Variants in NCKAP5 observed in about 807,000 individuals in gnomAD.
The protein encoded by NCKAP5 is NCK associated protein 5, also known as nck-associated protein 5.
NCKAP5 carries 92 observed loss-of-function variants against 167.0 expected under a neutral mutation model. The observed-to-expected ratio is 0.55, with a 90% confidence interval of 0.47 to 0.66. NCKAP5 has a LOEUF of 0.66. Among genes scored for constraint, NCKAP5 ranks in the 30% least tolerant of loss-of-function variants. The probability of loss-of-function intolerance (pLI) is 0.00; values close to 1 mark genes in which losing one functional copy is unlikely to be tolerated. For synonymous variants in NCKAP5, 891 were observed against 877.4 expected, an observed-to-expected ratio of 1.02 and a Z score of -0.27; for missense variants, 2,378 against 2,315.0, an observed-to-expected ratio of 1.03 and a Z score of -0.56.
chr2:132,868,942 A>G lies in NCKAP5; in HGVS notation c.681T>C (p.Thr227=). Residue 227 remains threonine (T), a synonymous_variant, in exon 10 of 20, where the codon ACT becomes ACC. Transcript: ENST00000409261. ...VANQVVQALL[T]QKDLREECVK... is the part of the protein sequence containing the mutation. ...AAGTCAGAAAGTGACCTACCTTTTG[A>G]GTAAGCAGAGCTTGAACAACTTGGT... 1 of 1,547,770 alleles carries G rather than the reference A, an allele frequency of 6.5e-7. No individual in the cohort carries two copies. The highest frequency in any genetic ancestry group is 2.4e-5 in the East Asian group (1 of 41,336).
chr2:133,303,108 T>G lies in NCKAP5; in HGVS notation c.72A>C (p.Glu24Asp). The stretch of plus-strand genomic sequence containing the variant: ...CAATGTATTTATTGGAGTCCATGTA[T>G]TCCTGCACAAGCAGACAAAGACAGA... ...KRLSLDSSLV[E>D]YMDSNKYIEH... Residue 24 changes from glutamate to aspartate, a missense_variant and splice_region_variant, in exon 4 of 20, where the codon GAA (glutamate) becomes GAC (aspartate). Transcript: ENST00000409261. 1 of 1,582,106 alleles carries G rather than the reference T, an allele frequency of 6.3e-7. No homozygotes were observed. Among genetic ancestry groups the G allele is most frequent in the Non-Finnish European group, 8.6e-7 (1 of 1,162,740 alleles).
rs79744286 is a variant in NCKAP5, at chr2:133,059,785, T to C, written c.342-65546A>G. Among the ~76,000 whole-genome samples the C allele has an allele frequency of 4.5e-3, 684 of 152,264 alleles. 3 individuals are homozygous for C. Among genetic ancestry groups the C allele is most frequent in the African/African-American group, 0.016 (655 of 41,558 alleles). On this transcript the variant is annotated intron_variant, in intron 6 of 19. Coordinates refer to ENST00000409261, the MANE Select transcript of NCKAP5 (RefSeq NM_207363.3). ...TAGTATAGTGTGAACCTAACTTTTA[T>C]ATGCATGGAGAAATGAAAAAATTCA...
chr2:132,728,818 G>T lies in NCKAP5; in HGVS notation c.5578C>A (p.Gln1860Lys). Residue 1860 changes from glutamine (Q) to lysine (K), a missense_variant and splice_region_variant, in exon 18 of 20, where the codon CAG (glutamine) becomes AAG (lysine). By Grantham distance (53) the Gln-to-Lys change is moderately conservative (BLOSUM62 1). Transcript: ENST00000409261. ...WGSEVAATGTQDKAPRMCTYS... is the reference protein window; with the variant it reads ...WGSEVAATGTKDKAPRMCTYS... ...CTTCACCTCCCCCGACCCCTCACCTGGGTCCCGGTGGCAGCAACTTCACTC... is the reference window on the plus strand; with the variant it reads ...CTTCACCTCCCCCGACCCCTCACCTTGGTCCCGGTGGCAGCAACTTCACTC... 6.2e-7 allele frequency: 1 copy of T among 1,613,732 alleles called. No homozygotes were observed. Among genetic ancestry groups the T allele is most frequent in the Non-Finnish European group, 8.5e-7 (1 of 1,179,770 alleles).
intron 8 of NCKAP5, among the ~76,000 whole-genome samples, chr2:132,907,108 A>G (rs1010253379): frequency 6.6e-6 from 1 of 152,236 alleles, no homozygotes; most frequent in Admixed American, 6.5e-5. Flanking sequence ...TTTTCCTAAC[A>G]TTATTTATAT....
chr2:133,366,237 A>G (rs1384711626), intron 3 of NCKAP5, among the ~76,000 whole-genome samples: 3 of 152,216 alleles, frequency 2.0e-5, no homozygotes, highest in Non-Finnish European at 2.9e-5. Flanking sequence ...TAAAGAAGAT[A>G]AAGTCAGATG....
intron 5 of NCKAP5, among the ~76,000 whole-genome samples, chr2:133,138,583 G>A (rs1168626585): frequency 6.6e-6 from 1 of 152,178 alleles, no homozygotes; most frequent in African/African-American, 2.4e-5. Flanking sequence ...AACAGACTGG[G>A]CTAGAGTTTC....
chr2:133,128,649 G>A (rs147910378), intron 6 of NCKAP5, among the ~76,000 whole-genome samples: 2,010 of 151,948 alleles, frequency 0.013, 27 homozygotes, highest in Middle Eastern at 0.051. Context: ...CGAGGCTGGA[G>A]TGCAGTGGCG....
intron 3 of NCKAP5, among the ~76,000 whole-genome samples, chr2:133,344,970 A>G (rs1023243171): frequency 6.6e-6 from 1 of 152,100 alleles, no homozygotes; most frequent in Non-Finnish European, 1.5e-5. Flanking sequence ...AAGTCATCCA[A>G]ATATCGATTT....
intron 2 of NCKAP5, among the ~76,000 whole-genome samples, chr2:133,544,564 C>T (rs34876294): frequency 6.6e-6 from 1 of 151,992 alleles, no homozygotes; most frequent in Admixed American, 6.5e-5. Flanking sequence ...CGGGCTCCAT[C>T]GTGTGAATGG....
chr2:132,984,574 G>A (rs996851929), intron 7 of NCKAP5, among the ~76,000 whole-genome samples: 4 of 152,060 alleles, frequency 2.6e-5, no homozygotes, highest in African/African-American at 4.8e-5. Context: ...TGCTGTGCTC[G>A]CCGTGCAGAC....
intron 8 of NCKAP5, among the ~76,000 whole-genome samples, chr2:132,896,427 C>G (rs576000486): frequency 6.6e-6 from 1 of 152,120 alleles, no homozygotes; most frequent in Admixed American, 6.5e-5. Context: ...TTTAAAATTT[C>G]CTCCGTTTCT....
In NCKAP5 at chr2:133,215,527, T is replaced by C. The variant is rs1012162027; in HGVS notation, c.144-1748A>G. ...TCACCAAAAGACATGTACCAGAATG[T>C]TCATAACAGCACTTTAGTAATCTTA... On this transcript the variant is annotated intron_variant, in intron 4 of 19. Coordinates refer to ENST00000409261, the MANE Select transcript of NCKAP5 (RefSeq NM_207363.3). Among the ~76,000 whole-genome samples, 6 of 152,266 alleles carry C rather than the reference T, an allele frequency of 3.9e-5. No homozygotes were observed. In the South Asian group the frequency reaches 1.0e-3, roughly 26 times the overall value.
chr2:132,877,742 T>C (rs1691392999), intron 9 of NCKAP5, among the ~76,000 whole-genome samples: 1 of 152,102 alleles, frequency 6.6e-6, no homozygotes, highest in Admixed American at 6.5e-5. Context: ...GATCATCCCA[T>C]TGACTTCTGA....
chr2:133,121,253 G>A (rs2082241738), intron 6 of NCKAP5, among the ~76,000 whole-genome samples: 1 of 152,154 alleles, frequency 6.6e-6, no homozygotes, highest in Admixed American at 6.5e-5. Flanking sequence ...GGGATGGACA[G>A]TAACCTGTAG....
At chr2:132,921,467 C>T (rs999580944) in intron 8 of NCKAP5, among the ~76,000 whole-genome samples, 1 of 152,168 alleles carries the variant, frequency 6.6e-6, no homozygotes, top group African/African-American at 2.4e-5. Context: ...AAATATTTAT[C>T]GAGTTGTCCA....
chr2:133,524,957 CATGAGTAT>C (rs976736872), intron 2 of NCKAP5, among the ~76,000 whole-genome samples: 7 of 152,056 alleles, frequency 4.6e-5, no homozygotes, highest in Admixed American at 2.6e-4. Flanking sequence ...TGTACATGCG[CATGAGTAT>C]ATGAGTGTAT....
At chr2:132,973,418 C>A (rs1397976852) in intron 7 of NCKAP5, among the ~76,000 whole-genome samples, 1 of 152,166 alleles carries the variant, frequency 6.6e-6, no homozygotes, top group Admixed American at 6.5e-5. Flanking sequence ...CTAGCTCTGC[C>A]ACTAGCCAGC....
At chr2:133,093,983 T>G (rs6722102) in intron 6 of NCKAP5, among the ~76,000 whole-genome samples, 1 of 152,070 alleles carries the variant, frequency 6.6e-6, no homozygotes, top group African/African-American at 2.4e-5. Context: ...ACTTGCTAGA[T>G]AGCAGGAGGT....
At chr2:133,600,870 G>A in the NCKAP5 span, among the ~76,000 whole-genome samples, 14 of 152,194 alleles carry the variant, frequency 9.2e-5, no homozygotes, top group Non-Finnish European at 1.8e-4. Context: ...CCTCACCTGT[G>A]AGGCTTCTTT....
Sources: allele counts gnomAD v4.1 joint callset (sites outside exome capture counted in the v4.1 genomes callset), GRCh38; gene constraint gnomAD v4.1.1; transcripts MANE v1.5; gene names NCBI Gene and HGNC (gene_info 2026-07-23, HGNC 2026-07-21).